CHD5: variants seen among roughly 807,000 people sequenced by gnomAD.
CHD5 encodes chromodomain helicase DNA binding protein 5.
A neutral mutation model predicts 230.3 loss-of-function variants in CHD5; 69 were observed. That is an observed-to-expected ratio of 0.30 (90% CI 0.25 to 0.37). CHD5 has a LOEUF of 0.37. CHD5 is among the 10% of genes least tolerant of loss of function. The probability of loss-of-function intolerance (pLI) is 1.00; values close to 1 mark genes in which losing one functional copy is unlikely to be tolerated. For missense variants in CHD5, 1,827 were observed against 2,622.8 expected (o/e 0.70, Z 6.63); for synonymous variants, 1,064 against 1,065.9 (o/e 1.00, Z 0.03).
At chr1:6,164,117 T>C (rs1188725902) in intron 2 of CHD5, among the ~76,000 whole-genome samples, 4 of 152,176 alleles carry the variant, frequency 2.6e-5, no homozygotes, top group Non-Finnish European at 5.9e-5. Flanking sequence ...CCACCCTTCC[T>C]CCTTCCCAGC....
At chr1:6,108,964 C>A (rs1036940626) in intron 38 of CHD5, among the ~76,000 whole-genome samples, 2 of 151,908 alleles carry the variant, frequency 1.3e-5, no homozygotes, top group Non-Finnish European at 2.9e-5. Flanking sequence ...AGCCCGAGAG[C>A]TGGGGCTTAT....
intron 38 of CHD5, 105 bp downstream of exon 38, chr1:6,109,664 AGTCCACCGCCCTCTGGGCTGACATCT>A: frequency 2.6e-6 from 2 of 757,250 alleles, no homozygotes; most frequent in Non-Finnish European, 4.4e-6. Flanking sequence ...TTGGCCCAGA[AGTCCACCGCCCTCTGGGCTGACATCT>A]GTCCCCAGCC....
intron 2 of CHD5, among the ~76,000 whole-genome samples, chr1:6,161,532 C>T (rs1667177442): frequency 6.6e-6 from 1 of 152,246 alleles, no homozygotes; most frequent in Non-Finnish European, 1.5e-5. Context: ...CCTCTGTGCT[C>T]TTTGCTTTTC....
intron 33 of CHD5, among the ~76,000 whole-genome samples, chr1:6,113,700 C>T (rs1666330007): frequency 6.6e-6 from 1 of 152,208 alleles, no homozygotes; most frequent in South Asian, 2.1e-4. Context: ...GGAAAGTTCT[C>T]ACCACTGGCC....
intron 33 of CHD5, among the ~76,000 whole-genome samples, chr1:6,119,259 C>T (rs1341851940): frequency 1.3e-5 from 2 of 152,000 alleles, no homozygotes; most frequent in Non-Finnish European, 2.9e-5. Context: ...CCACCATGCC[C>T]GGCTAACTTT....
At chr1:6,115,560 T>C (rs1216346851) in intron 33 of CHD5, among the ~76,000 whole-genome samples, 1 of 152,198 alleles carries the variant, frequency 6.6e-6, no homozygotes, top group Non-Finnish European at 1.5e-5. Flanking sequence ...CACTGCTGGC[T>C]TGAAGACACA....
chr1:6,169,406 G>T (rs898016129), intron 1 of CHD5, among the ~76,000 whole-genome samples: 3 of 152,192 alleles, frequency 2.0e-5, no homozygotes, highest in Non-Finnish European at 2.9e-5. Flanking sequence ...GGGCAGGCTC[G>T]GGAAGGGAGT....
At chr1:6,140,889 C>T (rs1176747351) in intron 15 of CHD5, among the ~76,000 whole-genome samples, 1 of 151,758 alleles carries the variant, frequency 6.6e-6, no homozygotes, top group Non-Finnish European at 1.5e-5. Context: ...AGTCCCAGCT[C>T]CCGGGAGGTC....
intron 2 of CHD5, among the ~76,000 whole-genome samples, chr1:6,165,171 C>G (rs933083698): frequency 6.6e-6 from 1 of 152,140 alleles, no homozygotes; most frequent in Non-Finnish European, 1.5e-5. Context: ...CCAGCCCTCC[C>G]AGGTCTCAAA....
chr1:6,109,202 C>T (rs965243568), intron 38 of CHD5, among the ~76,000 whole-genome samples: 5 of 152,068 alleles, frequency 3.3e-5, no homozygotes, highest in Admixed American at 1.3e-4. Context: ...CTCAGGGAGA[C>T]CTGCAGCCCC....
chr1:6,164,668 G>C (rs1667225655), intron 2 of CHD5, among the ~76,000 whole-genome samples: 1 of 152,154 alleles, frequency 6.6e-6, no homozygotes, highest in African/African-American at 2.4e-5. Context: ...TGCCAGGCAG[G>C]TGGGCAAAGG....
At chr1:6,151,493 C>T (rs1439294206) in intron 6 of CHD5, among the ~76,000 whole-genome samples, 4 of 152,218 alleles carry the variant, frequency 2.6e-5, no homozygotes, top group Non-Finnish European at 5.9e-5. Context: ...GAAGTCTTCC[C>T]AGATCTCTCC....
chr1:6,159,106 G>A lies in CHD5; in HGVS notation c.387+230C>T, dbSNP rs554838522. On this transcript the variant is annotated intron_variant, in intron 3 of 41. Transcript: ENST00000262450. Reference sequence around the variant, plus strand: ...AAAAATTAGCCAGGCGTGGTGGCACGCACCTGTAGTCCCAGCTACTCGGGA... The same window carrying A: ...AAAAATTAGCCAGGCGTGGTGGCACACACCTGTAGTCCCAGCTACTCGGGA... Among the ~76,000 whole-genome samples the A allele has an allele frequency of 7.5e-4, 113 of 151,442 alleles. 1 individual carries two copies. The highest frequency in any genetic ancestry group is 2.5e-3 in the African/African-American group (105 of 41,228).
rs1666605145 is a variant in CHD5, at chr1:6,128,777, A to G, written c.3619+61T>C. 2.1e-6 allele frequency: 3 copies of G among 1,440,346 alleles called. No homozygotes were observed. The East Asian group carries it at 6.9e-5, about 33-fold the overall frequency. The allele number at this position is 1,440,346 out of a possible 1,614,324, so 89.2% of individuals were successfully genotyped here. Reference sequence around the variant, plus strand: ...GGGCAGGGACCCAAGCAAGCCCTGGATGGGTGTCTCAGCCGGGCCACCCCA... The same window carrying G: ...GGGCAGGGACCCAAGCAAGCCCTGGGTGGGTGTCTCAGCCGGGCCACCCCA... On this transcript the variant is annotated intron_variant, in intron 23 of 41. Transcript: ENST00000262450. This position sits in a 1 kb window ranked among gnomAD's most constrained non-coding sequence, Gnocchi z 7.8.
intron 36 of CHD5, among the ~76,000 whole-genome samples, chr1:6,110,944 T>C (rs1666277849): frequency 6.6e-6 from 1 of 152,080 alleles, no homozygotes; most frequent in Non-Finnish European, 1.5e-5. Context: ...AGAGGAAAAT[T>C]TGGGGCCAGG....
chr1:6,112,635 A>G (rs1026376887), intron 34 of CHD5, among the ~76,000 whole-genome samples: 2 of 152,242 alleles, frequency 1.3e-5, no homozygotes, highest in Admixed American at 6.5e-5. Context: ...CAAAGCTTCC[A>G]GCTGAGCCCC....
At chr1:6,166,528 C>T (rs555255580) in intron 2 of CHD5, among the ~76,000 whole-genome samples, 56 of 152,192 alleles carry the variant, frequency 3.7e-4, no homozygotes, top group African/African-American at 1.3e-3. Context: ...TTGGGGCTAA[C>T]ACCTCCCAGC....
intron 38 of CHD5, among the ~76,000 whole-genome samples, chr1:6,108,613 G>T (rs866461949): frequency 1.8e-4 from 27 of 147,404 alleles, no homozygotes; most frequent in Admixed American, 4.7e-4. Flanking sequence ...AGGGATGAAG[G>T]ATGACAGAGG....
intron 33 of CHD5, chr1:6,113,294 T>C (rs1417752102): frequency 1.2e-5 from 5 of 415,362 alleles, no homozygotes; most frequent in South Asian, 5.8e-5. Flanking sequence ...CTTGGCGCCA[T>C]GCGCCTGTGG....
Sources: allele counts gnomAD v4.1 joint callset (sites outside exome capture counted in the v4.1 genomes callset), GRCh38; gene constraint gnomAD v4.1.1; non-coding constraint Gnocchi (gnomAD v3.1); transcripts MANE v1.5; gene names NCBI Gene and HGNC (gene_info 2026-07-23, HGNC 2026-07-21).